KIF26A: variants seen among roughly 807,000 people sequenced by gnomAD.
The protein encoded by KIF26A is kinesin-like protein KIF26A.
Under a neutral mutation model 126.0 loss-of-function variants are expected in KIF26A, and 74 were observed. That is an observed-to-expected ratio of 0.59 (90% CI 0.49 to 0.71). KIF26A has a LOEUF of 0.71. KIF26A is among the 30% of genes least tolerant of loss of function. KIF26A has a pLI of 0.00. For synonymous variants in KIF26A, 1,445 were observed against 1,232.7 expected, an observed-to-expected ratio of 1.17 and a Z score of -3.61; for missense variants, 2,984 against 2,763.3, an observed-to-expected ratio of 1.08 and a Z score of -1.79.
rs884996 is a variant in KIF26A, at chr14:104,180,887, C to T, written c.*1097C>T. ...TTTTATTTGTGAATTAAAGATGCATCGATGGTTCCCACGGCTGCCGAGTTC... is the reference window on the plus strand; with the variant it reads ...TTTTATTTGTGAATTAAAGATGCATTGATGGTTCCCACGGCTGCCGAGTTC... On this transcript the variant is annotated 3_prime_UTR_variant, in exon 15 of 15. Coordinates refer to ENST00000423312, the MANE Select transcript of KIF26A (RefSeq NM_015656.2). 68,282 of 152,414 alleles carry T rather than the reference C, an allele frequency of 0.45. 16,029 individuals are homozygous for T. Among genetic ancestry groups the T allele is most frequent in the South Asian group, 0.57 (2,732 of 4,830 alleles). The allele number at this position is 152,414 out of a possible 1,614,324, so 9.4% of individuals were successfully genotyped here.
chr14:104,159,350 G>C (rs1053002064), intron 4 of KIF26A, among the ~76,000 whole-genome samples: 4 of 152,266 alleles, frequency 2.6e-5, no homozygotes, highest in African/African-American at 7.2e-5. Flanking sequence ...TTTGGGTCCT[G>C]TTTGGCAGGA....
intron 12 of KIF26A, 125 bp downstream of exon 12, chr14:104,178,023 A>G: frequency 1.8e-6 from 2 of 1,118,546 alleles, no homozygotes. Context: ...AAGGTCCCAG[A>G]CCCACACAGC....
chr14:104,154,716 G>T (rs956993582), intron 3 of KIF26A, among the ~76,000 whole-genome samples: 2 of 152,244 alleles, frequency 1.3e-5, no homozygotes, highest in Admixed American at 1.3e-4. Flanking sequence ...CCCATTTCAC[G>T]CTATGAACTG....
In KIF26A at chr14:104,139,113, C is replaced by G. The variant is rs1468773229; in HGVS notation, c.113C>G (p.Ala38Gly). Residue 38 changes from alanine to glycine, a missense_variant, in exon 2 of 15, where the codon GCC becomes GGC. Transcript: ENST00000423312. ...GTGTCCCCCCGAAAGAGGCTACCCG[C>G]CGGGCCCGACCAGGACCCATGCGGC... ...LEVSPRKRLP[A>G]GPDQDPCGSR... The G allele has an allele frequency of 2.0e-6, 3 of 1,481,454 alleles. No individual in the cohort carries two copies. The highest frequency in any genetic ancestry group is 2.5e-5 in the Admixed American group (1 of 40,306). 91.8% of individuals were successfully genotyped at this position (1,481,454 alleles called of 1,614,324 possible).
chr14:104,165,324 T>C (rs2037878056), intron 4 of KIF26A, among the ~76,000 whole-genome samples: 1 of 147,726 alleles, frequency 6.8e-6, no homozygotes, highest in South Asian at 2.1e-4. Flanking sequence ...TCTCTATGCA[T>C]GTGTGCGTCT....
intron 5 of KIF26A, among the ~76,000 whole-genome samples, chr14:104,169,987 C>T (rs1356196377): frequency 6.6e-6 from 1 of 152,120 alleles, no homozygotes; most frequent in Non-Finnish European, 1.5e-5. Context: ...ATGGGCGGTG[C>T]CCCCACTGTG....
chr14:104,152,055 C>T lies in KIF26A; in HGVS notation c.329C>T (p.Ala110Val). 6.2e-7 allele frequency: 1 copy of T among 1,612,596 alleles called. No homozygotes were observed. The highest frequency in any genetic ancestry group is 8.5e-7 in the Non-Finnish European group (1 of 1,179,776). ...GCCCTGCTTCTCGACAAGCTACCAG[C>T]ACCTGGGGCCCTGCCAGCCTGTCGC... ...LSALLLDKLP[A>V]PGALPACRPE... is the part of the protein sequence containing the mutation. The change falls in exon 3 of 15, where the codon GCA (alanine) becomes GTA (valine). Residue 110 changes from alanine (A) to valine (V), a missense_variant. Ala to Val is a moderately conservative substitution (Grantham distance 64). Coordinates refer to ENST00000423312, the MANE Select transcript of KIF26A (RefSeq NM_015656.2). This position sits in a 1 kb window ranked among gnomAD's most constrained non-coding sequence, Gnocchi z 5.9.
chr14:104,165,581 GTGTC>G (rs1439678253), intron 4 of KIF26A, among the ~76,000 whole-genome samples: 2 of 143,342 alleles, frequency 1.4e-5, no homozygotes, highest in Non-Finnish European at 3.0e-5. Context: ...ATGCATGTGT[GTGTC>G]TGTGTGTCTA....
chr14:104,167,198 C>A, intron 5 of KIF26A, 150 bp downstream of exon 5: 1 of 825,358 alleles, frequency 1.2e-6, no homozygotes, highest in Non-Finnish European at 1.8e-6. Context: ...GACTGAGGCC[C>A]AGGTGGCAGC....
chr14:104,166,870 A>T lies in KIF26A; in HGVS notation c.935A>T (p.Lys312Met), dbSNP rs1255071075. 2.5e-6 allele frequency: 4 copies of T among 1,576,470 alleles called. No homozygotes were observed. The highest frequency in any genetic ancestry group is 3.4e-6 in the Non-Finnish European group (4 of 1,162,450). Reference sequence around the variant, plus strand: ...CCTCTCCTCCCCAGGGCTATGCAGAAGCTCAGCCTGGCCTCCAAGAGGAAG... The same window carrying T: ...CCTCTCCTCCCCAGGGCTATGCAGATGCTCAGCCTGGCCTCCAAGAGGAAG... ...AASFFIRAMQKLSLASKRKKP... is the reference protein window; with the variant it reads ...AASFFIRAMQMLSLASKRKKP... Residue 312 changes from lysine (K) to methionine (M), a missense_variant, in exon 5 of 15, where the codon AAG (lysine) becomes ATG (methionine). Physicochemically the swap from Lys to Met is moderately conservative, Grantham distance 95. Transcript: ENST00000423312.
In KIF26A at chr14:104,142,049, G is replaced by A. The variant is rs570579405; in HGVS notation, c.288+2761G>A. Among the ~76,000 whole-genome samples, 9 of 151,370 alleles carry A rather than the reference G, an allele frequency of 5.9e-5. 1 individual carries two copies. In the South Asian group the frequency reaches 1.2e-3, roughly 21 times the overall value. On this transcript the variant is annotated intron_variant, in intron 2 of 14. Transcript: ENST00000423312. ...TCCCGGCCTACCTCTCCCTTGCTGTGTGCTCTTGTCTGCCTGAGCCTGTCT... is the reference window on the plus strand; with the variant it reads ...TCCCGGCCTACCTCTCCCTTGCTGTATGCTCTTGTCTGCCTGAGCCTGTCT...
rs1019082666 is a variant in KIF26A, at chr14:104,151,762, C to T, written c.289-253C>T. 2.6e-5 allele frequency among the ~76,000 whole-genome samples: 4 copies of T among 152,242 alleles called. No homozygotes were observed. The highest frequency in any genetic ancestry group is 3.8e-4 in the East Asian group (2 of 5,200). On this transcript the variant is annotated intron_variant, in intron 2 of 14. Transcript: ENST00000423312. This position sits in a 1 kb window ranked among gnomAD's most constrained non-coding sequence, Gnocchi z 4.9. ...CAAACCTGCCTTGTTAGCCGCAGGC[C>T]GGGGCGCTTAATGACGGCTGGGGAA...
rs779937236 is a variant in KIF26A, at chr14:104,139,299, C to A, written c.288+11C>A. On this transcript the variant is annotated intron_variant, in intron 2 of 14. Coordinates refer to ENST00000423312, the MANE Select transcript of KIF26A (RefSeq NM_015656.2). ...GGGACCACCCTCCGGGTAAGTGACA[C>A]TTCCTTAGGCCGACCCCTCCGAGCA... 7.6e-5 allele frequency: 112 copies of A among 1,469,856 alleles called. No individual in the cohort carries two copies. Among genetic ancestry groups the A allele is most frequent in the Non-Finnish European group, 9.8e-5 (108 of 1,106,458 alleles). 91.1% of individuals were successfully genotyped at this position (1,469,856 alleles called of 1,614,324 possible).
chr14:104,146,629 C>T (rs998722778), intron 2 of KIF26A, among the ~76,000 whole-genome samples: 2 of 152,108 alleles, frequency 1.3e-5, no homozygotes, highest in Admixed American at 1.3e-4. Flanking sequence ...CCTGGCTTCT[C>T]CTTCTCCACT....
In KIF26A at chr14:104,179,682, G is replaced by A. The variant is rs868153432; in HGVS notation, c.5541G>A (p.Leu1847=). Residue 1847 remains leucine, a synonymous_variant, in exon 15 of 15, where the codon CTG becomes CTA. Transcript: ENST00000423312. The part of the protein sequence containing the change: ...LAALERATAA[L]EQCVNLCKAH... ...CCCTGGAGCGAGCCACGGCGGCCCT[G>A]GAGCAGTGCGTGAACCTGTGCAAGG... The A allele has an allele frequency of 1.3e-6, 2 of 1,549,312 alleles. No individual in the cohort carries two copies. The highest frequency in any genetic ancestry group is 2.4e-5 in the East Asian group (1 of 40,894).
In KIF26A at chr14:104,141,140, G is replaced by A. The variant is rs180741037; in HGVS notation, c.288+1852G>A. Among the ~76,000 whole-genome samples the A allele has an allele frequency of 2.4e-3, 365 of 152,240 alleles. 3 individuals carry two copies. Among genetic ancestry groups the A allele is most frequent in the African/African-American group, 8.1e-3 (336 of 41,558 alleles). On this transcript the variant is annotated intron_variant, in intron 2 of 14. Transcript: ENST00000423312. ...GCAGCCTGCAGCCCTGGCCTGGCCCGCTGGGCCCAGATGTGTGGACATGGC... is the reference window on the plus strand; with the variant it reads ...GCAGCCTGCAGCCCTGGCCTGGCCCACTGGGCCCAGATGTGTGGACATGGC...
chr14:104,165,349 T>TGTGTGCGTCTGTGTGTCTGTATC (rs2037878632), intron 4 of KIF26A, among the ~76,000 whole-genome samples: 1 of 94,762 alleles, frequency 1.1e-5, no homozygotes, highest in Non-Finnish European at 2.1e-5. Flanking sequence ...GTCTGTATCA[T>TGTGTGCGTCTGTGTGTCTGTATC]GTGTGCGTCT....
chr14:104,174,354 C>T, intron 11 of KIF26A, 44 bp downstream of exon 11: 1 of 1,473,208 alleles, frequency 6.8e-7, no homozygotes, highest in Non-Finnish European at 9.1e-7. Flanking sequence ...GCCGTCTCGG[C>T]TCCTGTGTCC....
intron 2 of KIF26A, among the ~76,000 whole-genome samples, chr14:104,149,350 G>C (rs1436979483): frequency 6.6e-6 from 1 of 152,182 alleles, no homozygotes; most frequent in Non-Finnish European, 1.5e-5. Context: ...TTTCGCTGTG[G>C]GGCCCGGCCT....
Sources: gnomAD v4.1 joint callset for allele counts (sites outside exome capture counted in the v4.1 genomes callset) on GRCh38, gnomAD v4.1.1 for gene constraint, Gnocchi (gnomAD v3.1) non-coding constraint, MANE v1.5 for transcripts, NCBI Gene and HGNC (gene_info 2026-07-23, HGNC 2026-07-21) for gene names.